The following NAA60 variants were observed in gnomAD, a reference collection of about 807,000 sequenced individuals.
NAA60 encodes the protein N-alpha-acetyltransferase 60, NatF catalytic subunit.
NAA60 carries 8 observed loss-of-function variants against 26.1 expected under a neutral mutation model. The observed-to-expected ratio is 0.31, with a 90% CI of 0.18 to 0.55. NAA60 has a LOEUF of 0.55. Ranked by LOEUF, NAA60 falls within the 20% of genes least tolerant of loss-of-function variation. The pLI is 0.93. For synonymous variants in NAA60, 131 were observed against 122.5 expected (o/e 1.07, Z -0.46); for missense variants, 290 against 311.3 (o/e 0.93, Z 0.51).
chr16:3,443,716 G>A lies in NAA60; in HGVS notation c.-198G>A. On this transcript the variant is annotated 5_prime_UTR_variant, in exon 1 of 8. Coordinates refer to ENST00000407558, the MANE Select transcript of NAA60 (RefSeq NM_001083601.3). ...GGCGGGGTCTCCTCCGTGAGCTCCGGGCCTGTTTGCCTGCTGAAGTAGAGT... is the reference window on the plus strand; with the variant it reads ...GGCGGGGTCTCCTCCGTGAGCTCCGAGCCTGTTTGCCTGCTGAAGTAGAGT... The A allele has an allele frequency of 1.4e-6, 2 of 1,469,958 alleles. No individual in the cohort carries two copies. The highest frequency in any genetic ancestry group is 1.8e-6 in the Non-Finnish European group (2 of 1,113,104). 91.1% of individuals were successfully genotyped at this position (1,469,958 alleles called of 1,614,324 possible). A position where few individuals can be genotyped will look rare whatever the true frequency, so the allele number is the denominator to read the frequency against.
At chr16:3,457,856 C>T (rs2035076708) in intron 2 of NAA60, 1 of 542,664 alleles carries the variant, frequency 1.8e-6, no homozygotes, top group African/African-American at 2.0e-5. Context: ...GGAGCCGGCC[C>T]TCACCAGTGC....
At chr16:3,447,686 A>G (rs554779011) in intron 1 of NAA60, 5 of 965,508 alleles carry the variant, frequency 5.2e-6, no homozygotes, top group East Asian at 1.2e-4. Context: ...AGAATGCTTG[A>G]TTGAGCAGTT....
intron 3 of NAA60, among the ~76,000 whole-genome samples, chr16:3,478,968 G>T (rs1177864920): frequency 6.6e-6 from 1 of 152,106 alleles, no homozygotes; most frequent in Non-Finnish European, 1.5e-5. Flanking sequence ...AGGCGCGGTG[G>T]CTCACACCTG....
At chr16:3,473,215 G>C (rs250631) in intron 2 of NAA60, among the ~76,000 whole-genome samples, 41,679 of 151,904 alleles carry the variant, frequency 0.27, 6,056 homozygotes, top group Non-Finnish European at 0.32. Context: ...TGTATTTTTA[G>C]TAGAGATGGG....
At chr16:3,450,625 G>A (rs964327389) in intron 2 of NAA60, among the ~76,000 whole-genome samples, 11 of 150,178 alleles carry the variant, frequency 7.3e-5, no homozygotes, top group East Asian at 3.9e-4. Flanking sequence ...GTGTGAACCC[G>A]GGAGGCGGAG....
intron 3 of NAA60, among the ~76,000 whole-genome samples, chr16:3,477,900 C>T (rs1230116761): frequency 6.6e-6 from 1 of 152,094 alleles, no homozygotes; most frequent in African/African-American, 2.4e-5. Flanking sequence ...CCCGTCTCTA[C>T]TAAAAATACA....
chr16:3,445,789 C>G (rs1247986095), intron 1 of NAA60, among the ~76,000 whole-genome samples: 2 of 152,060 alleles, frequency 1.3e-5, no homozygotes, highest in South Asian at 2.1e-4. Context: ...GAGGGATATA[C>G]CTGAAATGGG....
At chr16:3,463,491 G>A (rs888397379) in intron 2 of NAA60, among the ~76,000 whole-genome samples, 1 of 148,578 alleles carries the variant, frequency 6.7e-6, no homozygotes, top group African/African-American at 2.5e-5. Flanking sequence ...GGTGGAGGTT[G>A]CAGTGAGCCA....
chr16:3,451,899 CAG>C (rs999268032), intron 2 of NAA60, among the ~76,000 whole-genome samples: 2 of 150,580 alleles, frequency 1.3e-5, no homozygotes, highest in African/African-American at 4.9e-5. Flanking sequence ...GCCTGGGGGA[CAG>C]AGCAAGACCC....
intron 2 of NAA60, among the ~76,000 whole-genome samples, chr16:3,457,687 A>T (rs1038387290): frequency 6.6e-6 from 1 of 152,218 alleles, no homozygotes; most frequent in African/African-American, 2.4e-5. Flanking sequence ...TCGCGAGCTT[A>T]GGATGCGCCT....
At chr16:3,480,458 G>A (rs765511428) in intron 4 of NAA60, among the ~76,000 whole-genome samples, 4 of 151,846 alleles carry the variant, frequency 2.6e-5, no homozygotes, top group Admixed American at 6.6e-5. Flanking sequence ...TTAGCCGGGC[G>A]TGGTGGCAGG....
At chr16:3,471,695 CCT>C (rs2036158150) in intron 2 of NAA60, among the ~76,000 whole-genome samples, 1 of 152,064 alleles carries the variant, frequency 6.6e-6, no homozygotes, top group Non-Finnish European at 1.5e-5. Context: ...CTCATCCTGC[CCT>C]CTCCGGTGAG....
chr16:3,485,251 C>T lies in NAA60; in HGVS notation c.*206+190C>T, dbSNP rs1044854214. 7 of 646,254 alleles carry T rather than the reference C, an allele frequency of 1.1e-5. No homozygotes were observed. In the East Asian group the frequency reaches 2.2e-4, roughly 20 times the overall value. 40.0% of individuals were successfully genotyped at this position (646,254 alleles called of 1,614,324 possible). On this transcript the variant is annotated intron_variant, in intron 7 of 7. Coordinates refer to ENST00000407558, the MANE Select transcript of NAA60 (RefSeq NM_001083601.3). Reference sequence around the variant, plus strand: ...CAAGCTAACACAGCAGGCTCCATGGCAACTGGGCTGTGCACCCGACTTTGG... The same window carrying T: ...CAAGCTAACACAGCAGGCTCCATGGTAACTGGGCTGTGCACCCGACTTTGG...
At chr16:3,477,150 TA>T (rs2036534928) in intron 3 of NAA60, among the ~76,000 whole-genome samples, 1 of 152,190 alleles carries the variant, frequency 6.6e-6, no homozygotes, top group Non-Finnish European at 1.5e-5. Context: ...TTTATAATGA[TA>T]GGTATGAACT....
chr16:3,482,689 CCCCAACAACTCTGGCTCGTGAACAT>C (rs2036923538), intron 5 of NAA60, 91 bp downstream of exon 5: 2 of 845,382 alleles, frequency 2.4e-6, no homozygotes, highest in South Asian at 2.9e-5. Context: ...TCTTCCCTGG[CCCCAACAACTCTGGCTCGTGAACAT>C]CCCTCAGTCT....
At chr16:3,466,378 G>A (rs1049610168) in intron 2 of NAA60, among the ~76,000 whole-genome samples, 1 of 152,196 alleles carries the variant, frequency 6.6e-6, no homozygotes, top group Admixed American at 6.5e-5. Flanking sequence ...CTGACACTTT[G>A]GAAGAAGCCA....
chr16:3,461,441 A>G (rs1407909622), intron 2 of NAA60, among the ~76,000 whole-genome samples: 2 of 151,924 alleles, frequency 1.3e-5, no homozygotes, highest in Non-Finnish European at 2.9e-5. Context: ...AACAAGGGCC[A>G]CTCCCTAGTC....
intron 1 of NAA60, 115 bp downstream of exon 1, chr16:3,443,952 G>A (rs556229310): frequency 3.6e-5 from 51 of 1,398,250 alleles, no homozygotes; most frequent in Non-Finnish European, 4.6e-5. Flanking sequence ...TTTGTGTCTT[G>A]AGCGGATGGT....
intron 2 of NAA60, among the ~76,000 whole-genome samples, chr16:3,451,062 ATTGTTGT>A (rs2034765462): frequency 6.6e-6 from 1 of 152,232 alleles, no homozygotes; most frequent in Non-Finnish European, 1.5e-5. Flanking sequence ...TAGAAGCTCC[ATTGTTGT>A]TTGTACAACA....
Sources: allele counts gnomAD v4.1 joint callset (sites outside exome capture counted in the v4.1 genomes callset), GRCh38; gene constraint gnomAD v4.1.1; transcripts MANE v1.5; gene names NCBI Gene and HGNC (gene_info 2026-07-23, HGNC 2026-07-21).